LIPK: variants seen among roughly 807,000 people sequenced by gnomAD.
LIPK encodes the protein lipase family member K.
In LIPK, 32 loss-of-function variants were observed where a neutral mutation model predicts 48.6. The ratio of observed to expected loss-of-function variants is 0.66; its 90% CI spans 0.50 to 0.88. LIPK has a LOEUF of 0.88. Among genes scored for constraint, LIPK ranks in the 40% least tolerant of loss-of-function variants. LIPK has a pLI of 0.00. For missense variants in LIPK, 507 were observed against 478.5 expected (o/e 1.06, Z -0.56); for synonymous variants, 164 against 157.4 (o/e 1.04, Z -0.32).
chr10:88,729,585 T>A (rs1047986779), intron 3 of LIPK, among the ~76,000 whole-genome samples: 1 of 152,220 alleles, frequency 6.6e-6, no homozygotes, highest in African/African-American at 2.4e-5. Context: ...GACAAAAAGC[T>A]GTACAATGAG....
At chr10:88,732,365 G>A in intron 5 of LIPK, 50 bp from the exon 6 acceptor site, 1 of 1,595,984 alleles carries the variant, frequency 6.3e-7, no homozygotes, top group Middle Eastern at 1.7e-4. Flanking sequence ...AACTTAAAAT[G>A]AACAAATAAT....
chr10:88,752,580 C>A lies in LIPK; in HGVS notation c.1024C>A (p.Gln342Lys). 1 of 1,572,338 alleles carries A rather than the reference C, an allele frequency of 6.4e-7. No individual in the cohort carries two copies. ...TCCAACAGCAATATGGAATGGTGGA[C>A]AGGACATTGTGGCTGATCCCAAGGA... ...EVPTAIWNGG[Q>K]DIVADPKDVE... Residue 342 changes from glutamine to lysine, a missense_variant, in exon 10 of 10, where the codon CAG becomes AAG. Coordinates refer to ENST00000404190, the MANE Select transcript of LIPK (RefSeq NM_001080518.2).
intron 3 of LIPK, among the ~76,000 whole-genome samples, chr10:88,729,428 A>G (rs1464509469): frequency 1.3e-5 from 2 of 152,238 alleles, no homozygotes; most frequent in African/African-American, 2.4e-5. Context: ...AGAGGAAGAT[A>G]TAATGGTGTT....
intron 9 of LIPK, among the ~76,000 whole-genome samples, chr10:88,746,645 A>G (rs1842770712): frequency 6.6e-6 from 1 of 152,202 alleles, no homozygotes; most frequent in African/African-American, 2.4e-5. Context: ...TTATAGTGCT[A>G]AACATCCACA....
chr10:88,713,868 G>A (rs1273507248), intron 1 of LIPK, among the ~76,000 whole-genome samples: 1 of 151,684 alleles, frequency 6.6e-6, no homozygotes, highest in Non-Finnish European at 1.5e-5. Context: ...TTGAACCCAG[G>A]AGAGGCTCAC....
chr10:88,741,119 A>C (rs950244639), intron 8 of LIPK, among the ~76,000 whole-genome samples: 3 of 152,142 alleles, frequency 2.0e-5, no homozygotes, highest in Admixed American at 6.5e-5. Flanking sequence ...ATATGATTTT[A>C]TTCAGTCTCA....
chr10:88,723,775 T>C (rs420381), intron 1 of LIPK, among the ~76,000 whole-genome samples: 117,780 of 151,444 alleles, frequency 0.78, 46,730 homozygotes, highest in East Asian at 1. Context: ...GATGTTTAGG[T>C]TTTTTTTTTC....
intron 1 of LIPK, among the ~76,000 whole-genome samples, chr10:88,719,129 G>C (rs1842173847): frequency 6.6e-6 from 1 of 152,192 alleles, no homozygotes; most frequent in Non-Finnish European, 1.5e-5. Context: ...CACAGAAGTA[G>C]AAGACATGGT....
intron 5 of LIPK, 34 bp downstream of exon 5, chr10:88,732,321 A>AG: frequency 6.3e-7 from 1 of 1,597,448 alleles, no homozygotes; most frequent in Non-Finnish European, 8.5e-7. Flanking sequence ...AGAGAATGTC[A>AG]GGGGCTCTTC....
intron 3 of LIPK, chr10:88,727,962 T>G (rs415996): frequency 0.75 from 254,565 of 340,590 alleles, 97,059 homozygotes; most frequent in East Asian, 1. Context: ...TCAACAACTT[T>G]CTGCGGCAGC....
chr10:88,722,676 T>C (rs1052516253), intron 1 of LIPK, among the ~76,000 whole-genome samples: 5 of 152,152 alleles, frequency 3.3e-5, no homozygotes, highest in Non-Finnish European at 5.9e-5. Context: ...AGAGGGCCCC[T>C]GTAAAACTAG....
intron 6 of LIPK, 87 bp from the exon 7 acceptor site, chr10:88,737,548 C>T (rs1842597183): frequency 2.2e-6 from 3 of 1,362,802 alleles, no homozygotes; most frequent in Non-Finnish European, 3.1e-6. Flanking sequence ...TCACCTAATA[C>T]TGTGCAGTCC....
At chr10:88,728,148 G>A in intron 3 of LIPK, 1 of 223,976 alleles carries the variant, frequency 4.5e-6, no homozygotes, top group Non-Finnish European at 9.1e-6. Flanking sequence ...CGTAGAATAA[G>A]TAGTCTCGCC....
Position 88,752,666 on chromosome 10 carries a change from C to A in LIPK, c.1110C>A (p.Tyr370Ter). 2 of 1,576,798 alleles carry A rather than the reference C, an allele frequency of 1.3e-6. No individual in the cohort carries two copies. The highest frequency in any genetic ancestry group is 1.7e-6 in the Non-Finnish European group (2 of 1,158,930). The part of the protein sequence containing the change: ...NLIYYKLIPH[Y>*]NHVDFYLGED... Reference sequence around the variant, plus strand: ...TTTATTACAAGCTGATTCCACACTACAATCATGTGGATTTTTACCTTGGAG... The same window carrying A: ...TTTATTACAAGCTGATTCCACACTAAAATCATGTGGATTTTTACCTTGGAG... Residue 370 changes from tyrosine (Y) to a stop codon, truncating the protein, a stop_gained, in exon 10 of 10, where the codon TAC (tyrosine) becomes TAA (stop). Transcript: ENST00000404190. LOFTEE classifies it high-confidence loss of function.
chr10:88,741,472 C>T (rs1407574419), intron 8 of LIPK, among the ~76,000 whole-genome samples: 1 of 152,166 alleles, frequency 6.6e-6, no homozygotes, highest in Non-Finnish European at 1.5e-5. Flanking sequence ...GCAATCCTCC[C>T]ACCTCAGCCT....
At chr10:88,736,244 C>T (rs1842569348) in intron 6 of LIPK, among the ~76,000 whole-genome samples, 1 of 151,864 alleles carries the variant, frequency 6.6e-6, no homozygotes, top group Admixed American at 6.6e-5. Context: ...GGAAGGACAA[C>T]AATATGTTAA....
chr10:88,709,683 A>G (rs1590126266), intron 1 of LIPK, among the ~76,000 whole-genome samples: 1 of 152,138 alleles, frequency 6.6e-6, no homozygotes, highest in Non-Finnish European at 1.5e-5. Flanking sequence ...GCAGAAGTTA[A>G]ATGCCCTTGG....
chr10:88,726,585 T>G (rs1842346372), intron 2 of LIPK, among the ~76,000 whole-genome samples: 1 of 152,106 alleles, frequency 6.6e-6, no homozygotes, highest in Non-Finnish European at 1.5e-5. Context: ...TTCCAGCTAC[T>G]TGGAAGACTG....
rs758035336 is a variant in LIPK at position 88,711,294 on chromosome 10, C to CTA, written c.-12+4984_-12+4985dup. On this transcript the variant is annotated intron_variant, in intron 1 of 9. Coordinates refer to ENST00000404190, the MANE Select transcript of LIPK (RefSeq NM_001080518.2). Reference sequence around the variant, plus strand: ...TTAATGTGAATAACGTGATGTTTTGCTATATATATATGTAGTGAAATGGTT... The same window carrying CTA: ...TTAATGTGAATAACGTGATGTTTTGCTATATATATATATGTAGTGAAATGGTT... Among the ~76,000 whole-genome samples the CTA allele has an allele frequency of 5.3e-5, 8 of 151,742 alleles. No individual in the cohort carries two copies. The East Asian group carries it at 9.7e-4, about 18-fold the overall frequency.
Sources: gnomAD v4.1 joint callset for allele counts (sites outside exome capture counted in the v4.1 genomes callset) on GRCh38, gnomAD v4.1.1 for gene constraint, MANE v1.5 for transcripts, NCBI Gene and HGNC (gene_info 2026-07-23, HGNC 2026-07-21) for gene names.